The following PDCD11 variants were observed in gnomAD, a reference collection of about 807,000 sequenced individuals.
PDCD11 encodes the protein programmed cell death 11, also known as protein RRP5 homolog.
A neutral mutation model predicts 198.9 loss-of-function variants in PDCD11; 97 were observed. The ratio of observed to expected loss-of-function variants is 0.49; its 90% CI spans 0.41 to 0.58. PDCD11 has a LOEUF of 0.58. Ranked by LOEUF, PDCD11 falls within the 20% of genes least tolerant of loss-of-function variation. The probability of loss-of-function intolerance (pLI) is 0.00; values close to 1 mark genes in which losing one functional copy is unlikely to be tolerated. For synonymous variants in PDCD11, 893 were observed against 918.0 expected, an observed-to-expected ratio of 0.97 and a Z score of 0.49; for missense variants, 2,102 against 2,312.7, an observed-to-expected ratio of 0.91 and a Z score of 1.87.
intron 5 of PDCD11, 28 bp from the exon 6 acceptor site, chr10:103,405,957 A>G (rs932186967): frequency 9.9e-6 from 16 of 1,610,494 alleles, no homozygotes; most frequent in Non-Finnish European, 1.3e-5. Flanking sequence ...TTGAATTGGA[A>G]CTTCTGGGAC....
intron 8 of PDCD11, among the ~76,000 whole-genome samples, 187 bp from the exon 9 acceptor site, chr10:103,412,929 C>A (rs992805546): frequency 6.6e-6 from 1 of 152,176 alleles, no homozygotes; most frequent in Non-Finnish European, 1.5e-5. Context: ...CATACATAGT[C>A]CCTATGGGAC....
In PDCD11 at chr10:103,425,375, T is replaced by C. The variant is rs753089438; in HGVS notation, c.3155T>C (p.Val1052Ala). ...TVKSIKPTHV[V>A]VTLEDGIIGC... ...AAGTCCATTAAGCCTACCCATGTGGTTGTGACTCTGGAAGATGGCATTATT... is the reference window on the plus strand; with the variant it reads ...AAGTCCATTAAGCCTACCCATGTGGCTGTGACTCTGGAAGATGGCATTATT... Residue 1052 changes from valine to alanine, a missense_variant, in exon 20 of 36, where the codon GTT (valine) becomes GCT (alanine). Transcript: ENST00000369797. The C allele has an allele frequency of 3.7e-6, 6 of 1,614,128 alleles. No homozygotes were observed. The highest frequency in any genetic ancestry group is 5.1e-6 in the Non-Finnish European group (6 of 1,180,028).
Position 103,445,441 on chromosome 10 carries a change from GCGCT to G in PDCD11, c.5509_5512del (p.Arg1837ThrfsTer32). 1 of 1,614,198 alleles carries G rather than the reference GCGCT, an allele frequency of 6.2e-7. No homozygotes were observed. The highest frequency in any genetic ancestry group is 8.5e-7 in the Non-Finnish European group (1 of 1,180,026). On this transcript the variant is annotated frameshift_variant, in exon 36 of 36. Coordinates refer to ENST00000369797, the MANE Select transcript of PDCD11 (RefSeq NM_014976.2). LOFTEE classifies it high-confidence loss of function. ...CCAAGAGAATGAAGTTCTTCTTCAA[GCGCT>G]ACCTGGACTACGAGAAGCAGCATGG...
In PDCD11 at chr10:103,443,313, G is replaced by A. The variant is rs753537930; in HGVS notation, c.5104G>A (p.Ala1702Thr). 44 of 1,608,102 alleles carry A rather than the reference G, an allele frequency of 2.7e-5. 1 individual carries two copies. The highest frequency in any genetic ancestry group is 1.7e-4 in the Admixed American group (10 of 59,534). The part of the protein sequence containing the change: ...KVFLHLADIY[A>T]KSEKFQEAGE... ...CTTTCTCCACCTGGCTGACATCTACGCCAAGTCAGAGAAATTCCAGGTAGG... is the reference window on the plus strand; with the variant it reads ...CTTTCTCCACCTGGCTGACATCTACACCAAGTCAGAGAAATTCCAGGTAGG... Residue 1702 changes from alanine (A) to threonine (T), a missense_variant, in exon 33 of 36, where the codon GCC becomes ACC. Coordinates refer to ENST00000369797, the MANE Select transcript of PDCD11 (RefSeq NM_014976.2).
chr10:103,422,736 G>A (rs893812914), intron 17 of PDCD11, among the ~76,000 whole-genome samples: 1 of 152,170 alleles, frequency 6.6e-6, no homozygotes, highest in Non-Finnish European at 1.5e-5. Flanking sequence ...CCAAAGGAAA[G>A]CCTGTCTTCC....
intron 1 of PDCD11, among the ~76,000 whole-genome samples, chr10:103,397,440 C>G (rs531140334): frequency 6.6e-6 from 1 of 152,274 alleles, no homozygotes; most frequent in Admixed American, 6.5e-5. Context: ...CCCAACTTCT[C>G]CTTTAATTTT....
chr10:103,421,349 T>A lies in PDCD11; in HGVS notation c.2279T>A (p.Ile760Asn). 4 of 1,604,138 alleles carry A rather than the reference T, an allele frequency of 2.5e-6. No individual in the cohort carries two copies. The highest frequency in any genetic ancestry group is 3.4e-6 in the Non-Finnish European group (4 of 1,174,698). ...SGLSGLAPKAIMSDKFVTSTS... is the reference protein window; with the variant it reads ...SGLSGLAPKANMSDKFVTSTS... ...TCTCCTGCCTGTTCTTCTGTTCAGA[T>A]CATGAGTGACAAATTTGTGACCTCC... Residue 760 changes from isoleucine (I) to asparagine (N), a missense_variant and splice_region_variant, in exon 17 of 36, where the codon ATC (isoleucine) becomes AAC (asparagine). Coordinates refer to ENST00000369797, the MANE Select transcript of PDCD11 (RefSeq NM_014976.2).
chr10:103,407,541 C>T (rs946601900), intron 7 of PDCD11, among the ~76,000 whole-genome samples: 7 of 151,798 alleles, frequency 4.6e-5, no homozygotes, highest in African/African-American at 9.7e-5. Context: ...CCAGCCTGGG[C>T]GACTGTGCGA....
rs372400151 is a variant in PDCD11 at position 103,418,622 on chromosome 10, C to T, written c.2094C>T (p.Ser698=). 17 of 1,613,438 alleles carry T rather than the reference C, an allele frequency of 1.1e-5. No individual in the cohort carries two copies. The Middle Eastern group carries it at 6.6e-4, about 62-fold the overall frequency. Residue 698 remains serine (S), a synonymous_variant, in exon 15 of 36, where the codon AGC becomes AGT. Transcript: ENST00000369797. ...ACCGAGTCCTGTGTCTGAGCCAGAGCGAGGGGCGTGTTGTATCCTTGACTG... is the reference window on the plus strand; with the variant it reads ...ACCGAGTCCTGTGTCTGAGCCAGAGTGAGGGGCGTGTTGTATCCTTGACTG... ...ILHRVLCLSQ[S]EGRVLLCRKP...
In PDCD11 at chr10:103,442,197, CTGCTTTCCATAGCAGAT is replaced by C; in HGVS notation, c.4708-15_4709del. On this transcript the variant is annotated splice_acceptor_variant and splice_polypyrimidine_tract_variant and coding_sequence_variant and intron_variant, in exon 32 of 36. Transcript: ENST00000369797. LOFTEE classifies it high-confidence loss of function. ...GAGGAGCAGATGACTCACGGTGTTTCTGCTTTCCATAGCAGATAAAGAAAAGCAAGAAAGAAAGGGAG... is the reference window on the plus strand; with the variant it reads ...GAGGAGCAGATGACTCACGGTGTTTCAAAGAAAAGCAAGAAAGAAAGGGAG... 1 of 1,612,890 alleles carries C rather than the reference CTGCTTTCCATAGCAGAT, an allele frequency of 6.2e-7. No individual in the cohort carries two copies. Among genetic ancestry groups the C allele is most frequent in the Non-Finnish European group, 8.5e-7 (1 of 1,179,346 alleles).
At chr10:103,424,184 C>T (rs1184436415) in intron 19 of PDCD11, among the ~76,000 whole-genome samples, 1 of 152,172 alleles carries the variant, frequency 6.6e-6, no homozygotes, top group Non-Finnish European at 1.5e-5. Flanking sequence ...CCAAGCTGTG[C>T]GTCCACACCC....
chr10:103,406,136 T>A, intron 6 of PDCD11, 28 bp downstream of exon 6: 3 of 1,611,882 alleles, frequency 1.9e-6, no homozygotes, highest in Non-Finnish European at 2.5e-6. Flanking sequence ...GGCCAGTACA[T>A]GGTGGTGAGG....
Position 103,398,430 on chromosome 10 carries a change from G to C in PDCD11, c.4G>C (p.Ala2Pro). 6.2e-7 allele frequency: 1 copy of C among 1,612,094 alleles called. No individual in the cohort carries two copies. Among genetic ancestry groups the C allele is most frequent in the Non-Finnish European group, 8.5e-7 (1 of 1,178,184 alleles). ...ATTGTTTTTAGGAGACCCAAACATG[G>C]CAAACCTGGAAGAAAGCTTCCCCCG... Reference protein sequence around the residue: MANLEESFPRGG... With the variant: MPNLEESFPRGG... Residue 2 changes from alanine to proline, a missense_variant, in exon 2 of 36, where the codon GCA (alanine) becomes CCA (proline). Transcript: ENST00000369797.
intron 28 of PDCD11, 31 bp from the exon 29 acceptor site, chr10:103,440,259 G>A: frequency 6.3e-7 from 1 of 1,584,716 alleles, no homozygotes; most frequent in African/African-American, 1.4e-5. Flanking sequence ...TTTTTATGAT[G>A]TCTTTACCTC....
intron 17 of PDCD11, among the ~76,000 whole-genome samples, chr10:103,422,298 C>G (rs770532194): frequency 2.6e-5 from 4 of 151,634 alleles, no homozygotes; most frequent in Non-Finnish European, 5.9e-5. Flanking sequence ...CCAGGCTGGT[C>G]TCGAACTCCT....
In PDCD11 at chr10:103,440,498, C is replaced by T. The variant is rs2274289; in HGVS notation, c.4357C>T (p.Pro1453Ser). The change falls in exon 29 of 36, where the codon CCC becomes TCC. Residue 1453 changes from proline to serine, a missense_variant. Physicochemically the swap from Pro to Ser is moderately conservative, Grantham distance 74 (BLOSUM62 -1). Transcript: ENST00000369797. ...GAAGGGGCAGGAGGAGGTGGAGATG[C>T]CCAGCAAGGAGAAGCAACAGCCCCA... ...NQKGQEEVEM[P>S]SKEKQQPQKP... 68 of 1,613,796 alleles carry T rather than the reference C, an allele frequency of 4.2e-5. 1 individual carries two copies. The East Asian group carries it at 1.5e-3, about 36-fold the overall frequency.
intron 22 of PDCD11, among the ~76,000 whole-genome samples, chr10:103,432,799 A>G (rs1225348897): frequency 1.3e-5 from 2 of 152,182 alleles, no homozygotes; most frequent in Admixed American, 6.5e-5. Flanking sequence ...CCTATTGTCT[A>G]TAGACATTCA....
Position 103,441,774 on chromosome 10 carries a change from C to T in PDCD11, c.4558-52C>T, listed in dbSNP as rs374006952. 7.3e-5 allele frequency: 114 copies of T among 1,566,856 alleles called. 1 individual carries two copies. In the East Asian group the frequency reaches 8.3e-4, roughly 11 times the overall value. On this transcript the variant is annotated intron_variant, in intron 30 of 35. Coordinates refer to ENST00000369797, the MANE Select transcript of PDCD11 (RefSeq NM_014976.2). ...CTCCAGGTGGGCTGGCACGGGGGAA[C>T]AGGGAGCAGCCTGAGCCAGGTGCTT...
chr10:103,402,629 G>A (rs905506680), intron 3 of PDCD11, among the ~76,000 whole-genome samples: 3 of 152,020 alleles, frequency 2.0e-5, no homozygotes, highest in Admixed American at 6.5e-5. Context: ...AGTAGAGACG[G>A]GGTTTTGCCG....
Sources: gnomAD v4.1 joint callset for allele counts (sites outside exome capture counted in the v4.1 genomes callset) on GRCh38, gnomAD v4.1.1 for gene constraint, MANE v1.5 for transcripts, NCBI Gene and HGNC (gene_info 2026-07-23, HGNC 2026-07-21) for gene names.